Variants in NAT1 observed in about 807,000 individuals in gnomAD.
NAT1 encodes arylamine N-acetyltransferase 1.
For missense variants in NAT1, 400 were observed against 339.2 expected, an observed-to-expected ratio of 1.18 and a Z score of -1.41; for synonymous variants, 144 against 122.6, an observed-to-expected ratio of 1.17 and a Z score of -1.16.
chr8:18,210,534 T>C (rs959993947), intron 1 of NAT1, among the ~76,000 whole-genome samples: 2 of 152,226 alleles, frequency 1.3e-5, no homozygotes, highest in Non-Finnish European at 2.9e-5. Flanking sequence ...TATTAAAAGA[T>C]AACTAATGTG....
At chr8:18,200,770 C>T (rs1803427262) in intron 2 of NAT1, among the ~76,000 whole-genome samples, 1 of 151,914 alleles carries the variant, frequency 6.6e-6, no homozygotes, top group African/African-American at 2.4e-5. Flanking sequence ...GTGATCAATC[C>T]CTTCATTTGT....
At chr8:18,212,023 T>A (rs1421670234) in intron 1 of NAT1, among the ~76,000 whole-genome samples, 1 of 152,208 alleles carries the variant, frequency 6.6e-6, no homozygotes, top group Non-Finnish European at 1.5e-5. Context: ...TTAAACTGCT[T>A]TTAATTCTTC....
chr8:18,195,466 A>AAT (rs10625311), intron 2 of NAT1, among the ~76,000 whole-genome samples: 128,066 of 151,922 alleles, frequency 0.84, 54,327 homozygotes, highest in African/African-American at 0.92. Context: ...TAACACCTGT[A>AAT]ATAGCTGGAC....
rs773597465 is a variant in NAT1 at position 18,216,848 on chromosome 8, A to C, written c.-85-2563A>C. 3.5e-5 allele frequency: 49 copies of C among 1,406,732 alleles called. No individual in the cohort carries two copies. In the East Asian group the frequency reaches 1.2e-3, roughly 34 times the overall value. 87.1% of individuals were successfully genotyped at this position (1,406,732 alleles called of 1,614,324 possible). A position where few individuals can be genotyped will look rare whatever the true frequency, so the allele number is the denominator to read the frequency against. On this transcript the variant is annotated intron_variant, in intron 1 of 2. Coordinates refer to ENST00000307719, the MANE Select transcript of NAT1 (RefSeq NM_000662.8). ...GCACAAAAATGGTAAGGGGGAACTC[A>C]TAAGAACTCATAATTATTTCTTCAA... is the stretch of plus-strand genomic sequence containing the variant.
chr8:18,177,891 G>T (rs1425601428), intron 2 of NAT1, among the ~76,000 whole-genome samples: 1 of 152,046 alleles, frequency 6.6e-6, no homozygotes, highest in African/African-American at 2.4e-5. Flanking sequence ...TAGCCTTAAG[G>T]ACCCTTCCAG....
upstream of NAT1, chr8:18,210,059 G>A (rs1227655027): frequency 1.3e-5 from 2 of 152,282 alleles, no homozygotes. Context: ...GGCGGGGCCA[G>A]TTGGACATCC....
At chr8:18,193,704 C>T (rs1347799628) in intron 2 of NAT1, among the ~76,000 whole-genome samples, 5 of 124,804 alleles carry the variant, frequency 4.0e-5, no homozygotes, top group East Asian at 2.7e-4. Context: ...TGCAATGGTA[C>T]GATCTCAGCT....
intron 2 of NAT1, among the ~76,000 whole-genome samples, chr8:18,197,148 A>G (rs1803268440): frequency 6.6e-6 from 1 of 152,140 alleles, no homozygotes; most frequent in Non-Finnish European, 1.5e-5. Context: ...ACCACCTCCA[A>G]GATCCATGAA....
At chr8:18,209,958 A>G (rs1357205096), upstream of NAT1, 2 of 152,090 alleles carry the variant, frequency 1.3e-5, no homozygotes, top group Admixed American at 6.5e-5. Context: ...TTTTTATGGT[A>G]AGATATGAAT....
rs1805481189 is a variant in NAT1, at chr8:18,222,790, A to ATT, written c.743_744insTT (p.Asn249SerfsTer5). The ATT allele has an allele frequency of 6.2e-7, 1 of 1,613,502 alleles. No homozygotes were observed. The highest frequency in any genetic ancestry group is 8.5e-7 in the Non-Finnish European group (1 of 1,179,894). On this transcript the variant is annotated frameshift_variant, in exon 3 of 3. Coordinates refer to ENST00000307719, the MANE Select transcript of NAT1 (RefSeq NM_000662.8). LOFTEE classifies it low-confidence loss of function (END_TRUNC). ...ACCCATAGGAGATTCAATTATAAGGACAATACAGATCTAATAGAGTTCAAG... is the reference window on the plus strand; with the variant it reads ...ACCCATAGGAGATTCAATTATAAGGATTCAATACAGATCTAATAGAGTTCAAG...
At chr8:18,182,234 G>T (rs923062571) in intron 2 of NAT1, among the ~76,000 whole-genome samples, 2 of 152,252 alleles carry the variant, frequency 1.3e-5, no homozygotes, top group East Asian at 1.9e-4. Context: ...ATGTTCCTGT[G>T]GGGGGTGATT....
chr8:18,185,294 G>C lies in NAT1; in HGVS notation n.92+14555G>C, dbSNP rs956165096. 3.3e-5 allele frequency among the ~76,000 whole-genome samples: 5 copies of C among 152,240 alleles called. No homozygotes were observed. The East Asian group carries it at 5.8e-4, about 18-fold the overall frequency. ...CATCTAGGCCGGATGTTCTGTTTGT[G>C]TGAATTTTTTAAATTTATAGATTCC... is the stretch of plus-strand genomic sequence containing the variant. On this transcript the variant is annotated intron_variant and non_coding_transcript_variant, in intron 2 of 4. Coordinates refer to the NAT1 transcript ENST00000517441.
chr8:18,207,395 T>G (rs1293756863), upstream of NAT1, among the ~76,000 whole-genome samples: 1 of 152,134 alleles, frequency 6.6e-6, no homozygotes. Flanking sequence ...AAATAGTTTT[T>G]TTTTCTAATT....
upstream of NAT1, among the ~76,000 whole-genome samples, chr8:18,205,924 C>T (rs1263342401): frequency 6.6e-6 from 1 of 152,186 alleles, no homozygotes; most frequent in African/African-American, 2.4e-5. Context: ...ATGGGCAAGA[C>T]CACCCTGCAG....
intron 1 of NAT1, among the ~76,000 whole-genome samples, chr8:18,216,537 A>G (rs1379162180): frequency 6.6e-6 from 1 of 151,964 alleles, no homozygotes; most frequent in African/African-American, 2.4e-5. Flanking sequence ...TAAAATGTCC[A>G]TTTTCTCATC....
intron 2 of NAT1, among the ~76,000 whole-genome samples, chr8:18,183,823 G>A (rs549313206): frequency 1.3e-5 from 2 of 152,284 alleles, no homozygotes; most frequent in African/African-American, 4.8e-5. Flanking sequence ...AAAGCCAATA[G>A]GGCCTTACAT....
chr8:18,205,150 T>C (rs1023156840), upstream of NAT1, among the ~76,000 whole-genome samples: 3 of 152,234 alleles, frequency 2.0e-5, no homozygotes, highest in African/African-American at 4.8e-5. Context: ...AGATCCATTC[T>C]TGCTCACACG....
In NAT1 at chr8:18,222,961, C is replaced by T. The variant is rs1314519789; in HGVS notation, c.*41C>T. 3 of 1,493,162 alleles carry T rather than the reference C, an allele frequency of 2.0e-6. No homozygotes were observed. The highest frequency in any genetic ancestry group is 2.3e-5 in the East Asian group (1 of 43,668). The allele number at this position is 1,493,162 out of a possible 1,614,324, so 92.5% of individuals were successfully genotyped here. On this transcript the variant is annotated 3_prime_UTR_variant, in exon 3 of 3. Coordinates refer to ENST00000307719, the MANE Select transcript of NAT1 (RefSeq NM_000662.8). ...AATCTTGTCTATTTGTCATCCAGCT[C>T]ACCAGTTATCAACTGACGACCTATC...
At chr8:18,203,891 T>C (rs1803584244) in intron 2 of NAT1, among the ~76,000 whole-genome samples, 1 of 152,022 alleles carries the variant, frequency 6.6e-6, no homozygotes, top group Admixed American at 6.5e-5. Flanking sequence ...TGGCAGGAAA[T>C]ATGGGCTAGA....
Sources: allele counts gnomAD v4.1 joint callset (sites outside exome capture counted in the v4.1 genomes callset), GRCh38; gene constraint gnomAD v4.1.1; transcripts MANE v1.5; gene names NCBI Gene and HGNC (gene_info 2026-07-23, HGNC 2026-07-21).